Variants in MTM1 observed in about 807,000 individuals in gnomAD.
The protein encoded by MTM1 is myotubularin 1.
In MTM1, 9 loss-of-function variants were observed where a neutral mutation model predicts 52.1. That is an observed-to-expected ratio of 0.17 (90% CI 0.10 to 0.30). The LOEUF is 0.30. Ranked by LOEUF, MTM1 falls within the 10% of genes least tolerant of loss-of-function variation. MTM1 has a pLI of 1.00. For synonymous variants in MTM1, 136 were observed against 163.8 expected, an observed-to-expected ratio of 0.83 and a Z score of 1.29; for missense variants, 277 against 470.7, an observed-to-expected ratio of 0.59 and a Z score of 3.81.
At chrX:150,611,892 C>G (rs1211470909) in intron 4 of MTM1, among the ~76,000 whole-genome samples, 1 of 112,179 alleles carries the variant, frequency 8.9e-6, no homozygotes, top group Admixed American at 9.5e-5. Context: ...AATACCTTAC[C>G]TTTTAAGATT....
intron 10 of MTM1, among the ~76,000 whole-genome samples, chrX:150,656,556 A>G (rs1161155090): frequency 1.8e-5 from 2 of 112,155 alleles, no homozygotes; most frequent in Non-Finnish European, 3.8e-5. Context: ...CTAGCACACT[A>G]TCGCAATCAC....
intron 5 of MTM1, among the ~76,000 whole-genome samples, chrX:150,617,761 A>T (rs1367054342): frequency 8.9e-6 from 1 of 111,953 alleles, no homozygotes; most frequent in African/African-American, 3.2e-5. Flanking sequence ...TTGAAAAAAA[A>T]TGAAGACTGT....
Position 150,671,633 on chromosome X carries a change from G to A in MTM1, c.*38G>A, listed in dbSNP as rs1557415158. On this transcript the variant is annotated 3_prime_UTR_variant, in exon 15 of 15. Coordinates refer to ENST00000370396, the MANE Select transcript of MTM1 (RefSeq NM_000252.3). ...GCACCGCATTAGAGCTCGAAATAAA[G>A]GCGATAGCTGACTTTCATTTGGGGC... 5.9e-6 allele frequency: 7 copies of A among 1,188,616 alleles called. No homozygotes were observed. Among genetic ancestry groups the A allele is most frequent in the Non-Finnish European group, 8.0e-6 (7 of 877,559 alleles).
intron 6 of MTM1, among the ~76,000 whole-genome samples, chrX:150,624,774 C>T (rs1204253448): frequency 7.1e-5 from 8 of 112,056 alleles, no homozygotes; most frequent in African/African-American, 2.6e-4. Flanking sequence ...GCATTGCTTA[C>T]CGTTAATCGT....
At chrX:150,671,399 G>A (rs782404353) in intron 14 of MTM1, 29 bp from the exon 15 acceptor site, 1 of 1,210,075 alleles carries the variant, frequency 8.3e-7, no homozygotes, top group Non-Finnish European at 1.1e-6. Context: ...GTGGCATAAA[G>A]TGTAACTCAA....
Position 150,651,475 on chromosome X carries a change from C to A in MTM1, c.1053+1574C>A, listed in dbSNP as rs962741390. On this transcript the variant is annotated intron_variant, in intron 10 of 14. Coordinates refer to ENST00000370396, the MANE Select transcript of MTM1 (RefSeq NM_000252.3). ...GGTATCACATTATATTTAGTTGTCA[C>A]AATTAGGTTGTTTTTTTTTTTTTTT... 1.1e-4 allele frequency among the ~76,000 whole-genome samples: 10 copies of A among 90,945 alleles called. No homozygotes were observed. The East Asian group carries it at 3.3e-3, about 30-fold the overall frequency. The allele number at this position is 90,945 out of a possible 115,157, so 79.0% of individuals were successfully genotyped here.
chrX:150,585,090 A>AGTGT (rs200639941), intron 1 of MTM1, among the ~76,000 whole-genome samples: 13 of 108,053 alleles, frequency 1.2e-4, no homozygotes, highest in Admixed American at 1.0e-4. Flanking sequence ...AGAGAGAAAG[A>AGTGT]GTGTGTGTGT....
At chrX:150,664,006 T>C (rs1378899190) in intron 14 of MTM1, among the ~76,000 whole-genome samples, 1 of 112,243 alleles carries the variant, frequency 8.9e-6, no homozygotes, top group Non-Finnish European at 1.9e-5. Context: ...GTGTATGCAC[T>C]AGATCAGCTA....
At chrX:150,667,697 C>T (rs958931608) in intron 14 of MTM1, among the ~76,000 whole-genome samples, 1 of 112,242 alleles carries the variant, frequency 8.9e-6, no homozygotes, top group African/African-American at 3.2e-5. Context: ...AGGCCACACA[C>T]TAAAAGTCAC....
intron 1 of MTM1, among the ~76,000 whole-genome samples, chrX:150,578,705 T>A (rs1435275341): frequency 8.1e-5 from 9 of 111,591 alleles, no homozygotes; most frequent in African/African-American, 2.9e-4. Context: ...AAGAAGGGCC[T>A]AATTATAGTC....
chrX:150,580,741 C>T (rs1349862242), intron 1 of MTM1, among the ~76,000 whole-genome samples: 6 of 111,572 alleles, frequency 5.4e-5, no homozygotes, highest in Non-Finnish European at 1.1e-4. Context: ...AGTCTTTCTC[C>T]TTCTGATTCT....
rs1241179879 is a variant in MTM1 at position 150,583,571 on chromosome X, T to A, written c.-10-9034T>A. The stretch of plus-strand genomic sequence containing the variant: ...TACATAATTTATATATAATATATAA[T>A]TTATATATAATATATATAATTTATA... On this transcript the variant is annotated intron_variant, in intron 1 of 14. Transcript: ENST00000370396. Among the ~76,000 whole-genome samples the A allele has an allele frequency of 7.4e-3, 169 of 22,961 alleles. 7 individuals carry two copies. Among genetic ancestry groups the A allele is most frequent in the African/African-American group, 0.04 (79 of 1,985 alleles). The allele number at this position is 22,961 out of a possible 115,157, so 19.9% of individuals were successfully genotyped here.
intron 1 of MTM1, among the ~76,000 whole-genome samples, chrX:150,568,914 C>T (rs2038310402): frequency 8.8e-6 from 1 of 113,026 alleles, no homozygotes; most frequent in Non-Finnish European, 1.9e-5. Context: ...GGCCGGCCGG[C>T]GGCGGGCGAA....
At chrX:150,567,643 T>TC (rs1307943422), upstream of MTM1, among the ~76,000 whole-genome samples, 4 of 111,467 alleles carry the variant, frequency 3.6e-5, no homozygotes, top group Non-Finnish European at 7.5e-5. Flanking sequence ...AACCTCTCCC[T>TC]CCCGGGTTCA....
At chrX:150,645,909 C>T in intron 9 of MTM1, 38 bp downstream of exon 9, 1 of 1,129,426 alleles carries the variant, frequency 8.9e-7, no homozygotes, top group Non-Finnish European at 1.2e-6. Context: ...ACTTAGCTTA[C>T]ATATGGAGTG....
intron 1 of MTM1, among the ~76,000 whole-genome samples, chrX:150,575,505 G>C (rs1205113578): frequency 8.9e-6 from 1 of 112,055 alleles, no homozygotes; most frequent in Non-Finnish European, 1.9e-5. Flanking sequence ...GGATGGGCCC[G>C]GAGAGCTTTT....
At chrX:150,587,303 C>T (rs1167085009) in intron 1 of MTM1, among the ~76,000 whole-genome samples, 1 of 111,638 alleles carries the variant, frequency 9.0e-6, no homozygotes, top group African/African-American at 3.3e-5. Flanking sequence ...TAATGCAGGG[C>T]GTGACAGCCT....
At chrX:150,645,615 T>C in intron 8 of MTM1, 68 bp from the exon 9 acceptor site, 2 of 1,011,428 alleles carry the variant, frequency 2.0e-6, no homozygotes, top group Non-Finnish European at 1.4e-6. Flanking sequence ...CTTTACTGTT[T>C]TACAGTTTTA....
rs782610183 is a variant in MTM1 at position 150,671,384 on chromosome X, C to T, written c.1645-44C>T. ...GGGTGGAACACGTGAGTTCTCATGA[C>T]GTGCGTGGCATAAAGTGTAACTCAA... On this transcript the variant is annotated intron_variant, in intron 14 of 14. Coordinates refer to ENST00000370396, the MANE Select transcript of MTM1 (RefSeq NM_000252.3). 173 of 1,198,745 alleles carry T rather than the reference C, an allele frequency of 1.4e-4. 2 individuals are homozygous for T. In the South Asian group the frequency reaches 2.7e-3, roughly 19 times the overall value.
Sources: allele counts gnomAD v4.1 joint callset (sites outside exome capture counted in the v4.1 genomes callset), GRCh38; gene constraint gnomAD v4.1.1; transcripts MANE v1.5; gene names NCBI Gene and HGNC (gene_info 2026-07-23, HGNC 2026-07-21).